ARHGEF12: variants seen among roughly 807,000 people sequenced by gnomAD.
The protein encoded by ARHGEF12 is Rho guanine nucleotide exchange factor 12.
ARHGEF12 carries 66 observed loss-of-function variants against 211.2 expected under a neutral mutation model. The observed-to-expected ratio is 0.31, with a 90% CI of 0.26 to 0.38. ARHGEF12 has a LOEUF of 0.38. Ranked by LOEUF, ARHGEF12 falls within the 10% of genes least tolerant of loss-of-function variation. The pLI, the probability that ARHGEF12 is intolerant of heterozygous loss-of-function variation, is 1.00. For missense variants in ARHGEF12, 1,429 were observed against 1,869.5 expected (o/e 0.76, Z 4.34); for synonymous variants, 592 against 638.4 (o/e 0.93, Z 1.09).
intron 1 of ARHGEF12, among the ~76,000 whole-genome samples, chr11:120,369,282 G>A (rs897368134): frequency 1.3e-5 from 2 of 151,542 alleles, no homozygotes; most frequent in Non-Finnish European, 2.9e-5. Context: ...GCGCACACCC[G>A]CACAACTGGC....
At chr11:120,412,055 T>G (rs565380967) in intron 4 of ARHGEF12, among the ~76,000 whole-genome samples, 2 of 152,334 alleles carry the variant, frequency 1.3e-5, no homozygotes, top group Admixed American at 6.5e-5. Context: ...TTCTGCCCAG[T>G]GCGGTCAGTT....
intron 10 of ARHGEF12, 93 bp downstream of exon 10, chr11:120,429,924 G>A (rs1945474886): frequency 1.4e-6 from 2 of 1,426,840 alleles, no homozygotes; most frequent in Non-Finnish European, 1.9e-6. Context: ...CTTTTTTAAA[G>A]TTATTTTTCT....
intron 11 of ARHGEF12, among the ~76,000 whole-genome samples, chr11:120,434,467 A>T (rs1192957807): frequency 6.6e-6 from 1 of 152,202 alleles, no homozygotes; most frequent in Non-Finnish European, 1.5e-5. Flanking sequence ...GAGGCTAAAG[A>T]TGTGTTGCTT....
At chr11:120,375,120 C>G (rs879491773) in intron 1 of ARHGEF12, among the ~76,000 whole-genome samples, 3 of 152,216 alleles carry the variant, frequency 2.0e-5, no homozygotes, top group Non-Finnish European at 4.4e-5. Flanking sequence ...ATGACCCTCT[C>G]TTTTTCTGCC....
At chr11:120,385,406 G>A (rs1943999967) in intron 1 of ARHGEF12, 1 of 985,192 alleles carries the variant, frequency 1.0e-6, no homozygotes, top group African/African-American at 1.7e-5. Flanking sequence ...TGGTATTTTG[G>A]TGAGGATTTC....
intron 1 of ARHGEF12, among the ~76,000 whole-genome samples, chr11:120,392,727 C>T (rs1212162858): frequency 3.3e-5 from 5 of 152,122 alleles, no homozygotes; most frequent in East Asian, 1.9e-4. Context: ...AAGATGAATG[C>T]GAAGTAGCTG....
At chr11:120,404,722 T>C (rs905873619) in intron 1 of ARHGEF12, among the ~76,000 whole-genome samples, 1 of 152,212 alleles carries the variant, frequency 6.6e-6, no homozygotes, top group Non-Finnish European at 1.5e-5. Context: ...GTTTTTATAA[T>C]GGCTGTGAGG....
At chr11:120,416,466 A>G (rs1272429321) in intron 4 of ARHGEF12, among the ~76,000 whole-genome samples, 1 of 152,142 alleles carries the variant, frequency 6.6e-6, no homozygotes, top group African/African-American at 2.4e-5. Flanking sequence ...ACCTAACTTC[A>G]GTATGCATAT....
At chr11:120,478,131 C>G (rs769102706) in intron 36 of ARHGEF12, 25 bp from the exon 37 acceptor site, 11 of 1,512,248 alleles carry the variant, frequency 7.3e-6, no homozygotes. Flanking sequence ...TAGATATAGT[C>G]TACCTTTTCT....
At chr11:120,408,465 T>C (rs1213441318) in intron 3 of ARHGEF12, 1 of 152,130 alleles carries the variant, frequency 6.6e-6, no homozygotes, top group African/African-American at 2.4e-5. Flanking sequence ...TACTCCATAT[T>C]TGATTCATAG....
At chr11:120,368,115 T>C (rs7117063) in intron 1 of ARHGEF12, among the ~76,000 whole-genome samples, 63,596 of 151,918 alleles carry the variant, frequency 0.42, 13,581 homozygotes, top group African/African-American at 0.48. Flanking sequence ...CTCACTCTTA[T>C]TGCTTTGGCT....
intron 1 of ARHGEF12, among the ~76,000 whole-genome samples, chr11:120,338,144 T>C (rs941829792): frequency 2.6e-5 from 4 of 152,194 alleles, no homozygotes; most frequent in Non-Finnish European, 4.4e-5. Flanking sequence ...TTGACCACAT[T>C]TCATTCTCAA....
chr11:120,478,049 T>G, intron 36 of ARHGEF12, 107 bp from the exon 37 acceptor site: 1 of 735,068 alleles, frequency 1.4e-6, no homozygotes, highest in Non-Finnish European at 2.2e-6. Flanking sequence ...ATGATCTCTG[T>G]AGTTTATGGA....
chr11:120,447,262 A>G (rs1446184267), intron 18 of ARHGEF12, 177 bp downstream of exon 18: 6 of 602,018 alleles, frequency 1.0e-5, no homozygotes, highest in African/African-American at 1.9e-5. Flanking sequence ...TTTTAGATAA[A>G]TTTCTTGTGT....
intron 1 of ARHGEF12, among the ~76,000 whole-genome samples, chr11:120,389,794 C>T (rs1348708806): frequency 6.6e-6 from 1 of 152,200 alleles, no homozygotes; most frequent in Non-Finnish European, 1.5e-5. Context: ...CTTTCTGTTG[C>T]TGGCTTATTT....
intron 1 of ARHGEF12, among the ~76,000 whole-genome samples, chr11:120,390,702 T>C (rs1944186432): frequency 6.6e-6 from 1 of 152,166 alleles, no homozygotes; most frequent in Admixed American, 6.6e-5. Flanking sequence ...TGGTTAACTA[T>C]TAATAAAAAA....
chr11:120,429,860 A>T (rs780255962), intron 10 of ARHGEF12, 29 bp downstream of exon 10: 50 of 1,574,574 alleles, frequency 3.2e-5, no homozygotes, highest in Middle Eastern at 3.4e-4. Flanking sequence ...GTGCTACCCA[A>T]CTTTTTGCAG....
chr11:120,460,302 A>G (rs1360680324), intron 26 of ARHGEF12, among the ~76,000 whole-genome samples: 1 of 152,210 alleles, frequency 6.6e-6, no homozygotes, highest in Non-Finnish European at 1.5e-5. Context: ...GATTACATCC[A>G]TTGCCTGCAC....
chr11:120,390,534 G>T (rs1006066823), intron 1 of ARHGEF12, among the ~76,000 whole-genome samples: 1 of 152,128 alleles, frequency 6.6e-6, no homozygotes, highest in Non-Finnish European at 1.5e-5. Flanking sequence ...TATCCACTGA[G>T]CTCTGGGATT....
Sources: allele counts gnomAD v4.1 joint callset (sites outside exome capture counted in the v4.1 genomes callset), GRCh38; gene constraint gnomAD v4.1.1; transcripts MANE v1.5; gene names NCBI Gene and HGNC (gene_info 2026-07-23, HGNC 2026-07-21).